ARHGAP22: variants seen among roughly 807,000 people sequenced by gnomAD.
ARHGAP22 encodes the protein Rho GTPase activating protein 22.
In ARHGAP22, 48 loss-of-function variants were observed where a neutral mutation model predicts 59.1. That is an observed-to-expected ratio of 0.81 (90% CI 0.64 to 1.03). ARHGAP22 has a LOEUF of 1.03. Among genes scored for constraint, ARHGAP22 ranks in the 50% least tolerant of loss-of-function variants. ARHGAP22 has a pLI of 0.00. For missense variants in ARHGAP22, 1,015 were observed against 958.7 expected (o/e 1.06, Z -0.78); for synonymous variants, 445 against 416.4 (o/e 1.07, Z -0.84).
At position 48,450,476 on chromosome 10, in the gene ARHGAP22, G is replaced by A. The variant is rs762517226; in HGVS notation, c.1653C>T (p.Pro551=). Residue 551 remains proline, a synonymous_variant, in exon 9 of 10, where the codon CCC becomes CCT. Transcript: ENST00000249601. The part of the protein sequence containing the change: ...SSLHTDWALE[P]SPLPSSSEDP... ...CCTCGCTGCTGCTGGGGAGCGGGGA[G>A]GGCTCCAGGGCCCAGTCGGTGTGCA... The A allele has an allele frequency of 6.5e-7, 1 of 1,537,714 alleles. No individual in the cohort carries two copies. The highest frequency in any genetic ancestry group is 1.2e-5 in the South Asian group (1 of 81,436).
At position 48,446,358 on chromosome 10, in the gene ARHGAP22, G is replaced by A. The variant is rs965648505; in HGVS notation, c.*33C>T. On this transcript the variant is annotated 3_prime_UTR_variant, in exon 10 of 10. Coordinates refer to ENST00000249601, the MANE Select transcript of ARHGAP22 (RefSeq NM_021226.4). Reference sequence around the variant, plus strand: ...CTCCATACAAGGCTGGAGACCAGCAGACGTGGTACAGAAGTGAGCTCTGCC... The same window carrying A: ...CTCCATACAAGGCTGGAGACCAGCAAACGTGGTACAGAAGTGAGCTCTGCC... The A allele has an allele frequency of 6.2e-7, 1 of 1,608,888 alleles. No individual in the cohort carries two copies. Among genetic ancestry groups the A allele is most frequent in the Non-Finnish European group, 8.5e-7 (1 of 1,175,868 alleles).
intron 4 of ARHGAP22, among the ~76,000 whole-genome samples, chr10:48,463,258 T>C (rs2133842701): frequency 6.6e-6 from 1 of 152,326 alleles, no homozygotes; most frequent in East Asian, 1.9e-4. Context: ...GCTCCTCTCA[T>C]GTGGTCTTGA....
At chr10:48,550,579 C>T (rs2135256065) in intron 3 of ARHGAP22, among the ~76,000 whole-genome samples, 1 of 152,334 alleles carries the variant, frequency 6.6e-6, no homozygotes, top group African/African-American at 2.4e-5. Context: ...AGCATGGAAA[C>T]AACTAGGATA....
At chr10:48,637,449 G>A (rs1424260781) in intron 1 of ARHGAP22, among the ~76,000 whole-genome samples, 1 of 151,678 alleles carries the variant, frequency 6.6e-6, no homozygotes, top group Non-Finnish European at 1.5e-5. Context: ...GTGAATGGGT[G>A]GATTTGTAGG....
chr10:48,528,661 T>C (rs2054549766), intron 3 of ARHGAP22, among the ~76,000 whole-genome samples: 1 of 152,146 alleles, frequency 6.6e-6, no homozygotes, highest in South Asian at 2.1e-4. Context: ...ACCTCCAGTG[T>C]TGGAGGTGGG....
chr10:48,459,573 C>T, intron 5 of ARHGAP22, 111 bp downstream of exon 5: 1 of 1,260,388 alleles, frequency 7.9e-7, no homozygotes, highest in African/African-American at 1.5e-5. Flanking sequence ...AGGGCTGGCC[C>T]ACCATCCTGT....
At chr10:48,443,441 G>A (rs541308271), downstream of ARHGAP22, among the ~76,000 whole-genome samples, 3 of 152,190 alleles carry the variant, frequency 2.0e-5, no homozygotes, top group Admixed American at 2.0e-4. Flanking sequence ...AACACATTGT[G>A]AGACCCCTGT....
At chr10:48,642,802 A>G (rs1256779339) in intron 1 of ARHGAP22, among the ~76,000 whole-genome samples, 1 of 152,236 alleles carries the variant, frequency 6.6e-6, no homozygotes, top group Non-Finnish European at 1.5e-5. Flanking sequence ...TGAACAGGCA[A>G]CCTACAGAAT....
At chr10:48,437,888 A>G in the ARHGAP22 span, 1 of 152,244 alleles carries the variant, frequency 6.6e-6, no homozygotes, top group African/African-American at 2.4e-5. Context: ...GTTCTGTTCT[A>G]TGCTAATCCT....
downstream of ARHGAP22, among the ~76,000 whole-genome samples, chr10:48,442,323 C>T (rs142991765): frequency 8.3e-3 from 1,262 of 152,286 alleles, 14 homozygotes; most frequent in African/African-American, 0.029. Flanking sequence ...GGCAAGTGCT[C>T]GGTGAGTGCT....
chr10:48,648,085 C>T (rs555094523), intron 1 of ARHGAP22, among the ~76,000 whole-genome samples: 32 of 152,116 alleles, frequency 2.1e-4, no homozygotes, highest in East Asian at 3.9e-4. Context: ...TTTGAGGTGC[C>T]GGAAATGCCC....
intron 2 of ARHGAP22, among the ~76,000 whole-genome samples, chr10:48,571,698 C>T (rs976305282): frequency 6.6e-6 from 1 of 152,164 alleles, no homozygotes; most frequent in Non-Finnish European, 1.5e-5. Context: ...GCCATGATAC[C>T]GTGGCAGGGA....
intron 3 of ARHGAP22, among the ~76,000 whole-genome samples, chr10:48,550,966 A>G (rs2056849830): frequency 6.6e-6 from 1 of 152,162 alleles, no homozygotes; most frequent in South Asian, 2.1e-4. Context: ...CATCTGGTTC[A>G]AAGCTCTTTT....
the ARHGAP22 span, chr10:48,438,477 A>AGG: frequency 6.6e-6 from 1 of 152,202 alleles, no homozygotes; most frequent in Admixed American, 6.5e-5. Flanking sequence ...AGTGCTCTTA[A>AGG]GGAGAGTCTA....
chr10:48,554,344 A>C (rs2057135543), intron 3 of ARHGAP22, among the ~76,000 whole-genome samples: 1 of 152,172 alleles, frequency 6.6e-6, no homozygotes, highest in Non-Finnish European at 1.5e-5. Flanking sequence ...TGGACAGCCA[A>C]TAGATCATTT....
At chr10:48,635,591 G>A (rs904848648) in intron 1 of ARHGAP22, among the ~76,000 whole-genome samples, 17 of 152,218 alleles carry the variant, frequency 1.1e-4, no homozygotes, top group South Asian at 4.1e-4. Context: ...AAAGGGGGCC[G>A]GGTAACCCCC....
At chr10:48,433,151 A>G in the ARHGAP22 span, among the ~76,000 whole-genome samples, 1 of 152,338 alleles carries the variant, frequency 6.6e-6, no homozygotes, top group Non-Finnish European at 1.5e-5. Flanking sequence ...ATTACCATTC[A>G]GATATTTGAG....
intron 3 of ARHGAP22, among the ~76,000 whole-genome samples, chr10:48,518,610 A>G (rs2053521403): frequency 6.6e-6 from 1 of 152,054 alleles, no homozygotes; most frequent in Admixed American, 6.5e-5. Flanking sequence ...GGAGCTGGAG[A>G]CCACATGGCC....
chr10:48,605,199 C>T (rs1016063264), upstream of ARHGAP22: 62 of 1,056,806 alleles, frequency 5.9e-5, no homozygotes, highest in Admixed American at 9.9e-5. Context: ...GGTCCTGGCC[C>T]GGGAGAGGGT....
Sources: allele counts gnomAD v4.1 joint callset (sites outside exome capture counted in the v4.1 genomes callset), GRCh38; gene constraint gnomAD v4.1.1; transcripts MANE v1.5; gene names NCBI Gene and HGNC (gene_info 2026-07-23, HGNC 2026-07-21).